The following EEFSEC variants were observed in gnomAD, a reference collection of about 807,000 sequenced individuals.
EEFSEC encodes the protein selenocysteine-specific elongation factor.
Under a neutral mutation model 42.1 loss-of-function variants are expected in EEFSEC, and 43 were observed. That is an observed-to-expected ratio of 1.02 (90% CI 0.80 to 1.32). The LOEUF is 1.32. Ranked by LOEUF, EEFSEC falls within the 40% of genes most tolerant of loss-of-function variation. The pLI, the probability that EEFSEC is intolerant of heterozygous loss-of-function variation, is 0.00. For synonymous variants in EEFSEC, 354 were observed against 339.1 expected, an observed-to-expected ratio of 1.04 and a Z score of -0.48; for missense variants, 745 against 803.6, an observed-to-expected ratio of 0.93 and a Z score of 0.88.
At chr3:128,333,580 T>C (rs2067157042) in intron 4 of EEFSEC, among the ~76,000 whole-genome samples, 1 of 152,220 alleles carries the variant, frequency 6.6e-6, no homozygotes, top group Admixed American at 6.5e-5. Context: ...TCATTAGAAG[T>C]GAATGGAATC....
At chr3:128,327,290 A>AC (rs2067074720) in intron 4 of EEFSEC, among the ~76,000 whole-genome samples, 15 of 74,372 alleles carry the variant, frequency 2.0e-4, no homozygotes, top group Admixed American at 4.2e-4. Flanking sequence ...CACTTTTCCC[A>AC]TCCCCCCCCC....
chr3:128,417,723 G>T, the EEFSEC span, among the ~76,000 whole-genome samples: 2 of 152,092 alleles, frequency 1.3e-5, no homozygotes, highest in Non-Finnish European at 2.9e-5. This position sits in a 1 kb window ranked among gnomAD's most constrained non-coding sequence, Gnocchi z 4.3. Flanking sequence ...TCCATGCAGG[G>T]TCCCCATAAA....
intron 4 of EEFSEC, among the ~76,000 whole-genome samples, chr3:128,321,376 A>C (rs1316012552): frequency 6.6e-6 from 1 of 152,168 alleles, no homozygotes; most frequent in Non-Finnish European, 1.5e-5. Flanking sequence ...TTCTGCCTCC[A>C]TGAGCTGGCC....
chr3:128,328,469 G>T (rs1325989890), intron 4 of EEFSEC, among the ~76,000 whole-genome samples: 1 of 152,200 alleles, frequency 6.6e-6, no homozygotes, highest in East Asian at 1.9e-4. Context: ...ACCAAGGAGT[G>T]GGCCGTAAGC....
chr3:128,205,132 G>A (rs1353589546), intron 1 of EEFSEC, among the ~76,000 whole-genome samples: 1 of 152,152 alleles, frequency 6.6e-6, no homozygotes, highest in Non-Finnish European at 1.5e-5. Flanking sequence ...ATTAAAGTGA[G>A]GATAGGCACC....
chr3:128,157,267 T>G (rs1944397427), intron 1 of EEFSEC, among the ~76,000 whole-genome samples: 1 of 152,156 alleles, frequency 6.6e-6, no homozygotes, highest in African/African-American at 2.4e-5. Context: ...AGTTGGTTCA[T>G]GAGGTTTGAG....
At chr3:128,351,865 C>T (rs778679257) in intron 5 of EEFSEC, among the ~76,000 whole-genome samples, 17 of 152,324 alleles carry the variant, frequency 1.1e-4, no homozygotes, top group Non-Finnish European at 1.6e-4. Context: ...CAGTGAGAAT[C>T]CCCACTTAGC....
intron 4 of EEFSEC, among the ~76,000 whole-genome samples, chr3:128,282,792 C>T (rs753426430): frequency 4.3e-4 from 66 of 152,174 alleles, no homozygotes; most frequent in Non-Finnish European, 7.6e-4. Context: ...CTGGCTCTGC[C>T]GCTGGTTGCC....
intron 6 of EEFSEC, among the ~76,000 whole-genome samples, chr3:128,366,322 G>A (rs887280956): frequency 2.6e-5 from 4 of 152,274 alleles, no homozygotes; most frequent in Admixed American, 1.3e-4. Context: ...ACAGCCATCC[G>A]GAGGGTAGCA....
intron 6 of EEFSEC, among the ~76,000 whole-genome samples, chr3:128,380,274 T>TC (rs2067759511): frequency 6.6e-6 from 1 of 152,218 alleles, no homozygotes; most frequent in Admixed American, 6.5e-5. Context: ...TCCCCTGTTA[T>TC]CCCATCCCCT....
intron 5 of EEFSEC, among the ~76,000 whole-genome samples, chr3:128,342,236 C>T (rs2067263729): frequency 6.6e-6 from 1 of 152,262 alleles, no homozygotes; most frequent in African/African-American, 2.4e-5. Flanking sequence ...CAGCGGTTAG[C>T]ACTGGCTTCC....
At chr3:128,264,230 T>C (rs957875920) in intron 3 of EEFSEC, among the ~76,000 whole-genome samples, 7 of 152,274 alleles carry the variant, frequency 4.6e-5, no homozygotes, top group African/African-American at 1.7e-4. Flanking sequence ...TTTTAAATTC[T>C]GAAGGCATCA....
chr3:128,203,285 A>C (rs1214643293), intron 1 of EEFSEC, among the ~76,000 whole-genome samples: 3 of 152,232 alleles, frequency 2.0e-5, no homozygotes, highest in African/African-American at 7.2e-5. Context: ...TGCTTATATC[A>C]TGGCAAAGTC....
intron 6 of EEFSEC, among the ~76,000 whole-genome samples, chr3:128,403,632 G>A (rs2068073546): frequency 6.6e-6 from 1 of 152,218 alleles, no homozygotes; most frequent in African/African-American, 2.4e-5. Context: ...TCACCCTGGA[G>A]CCAGGCCCTC....
chr3:128,180,100 GGT>G (rs1559856957), intron 1 of EEFSEC, among the ~76,000 whole-genome samples: 1 of 78,132 alleles, frequency 1.3e-5, no homozygotes, highest in African/African-American at 5.3e-5. Flanking sequence ...TCATGTTTTT[GGT>G]TTTTTTTTGC....
chr3:128,168,559 A>T (rs1319176245), intron 1 of EEFSEC, among the ~76,000 whole-genome samples: 2 of 152,146 alleles, frequency 1.3e-5, no homozygotes, highest in Admixed American at 1.3e-4. Context: ...CTGAGTGAGT[A>T]TCCCTCTGTA....
intron 4 of EEFSEC, among the ~76,000 whole-genome samples, chr3:128,265,272 G>T (rs549836857): frequency 6.6e-6 from 1 of 152,254 alleles, no homozygotes; most frequent in East Asian, 1.9e-4. Flanking sequence ...ACAGAATCTG[G>T]AAGAAATCCA....
At chr3:128,321,752 G>A (rs2067010336) in intron 4 of EEFSEC, among the ~76,000 whole-genome samples, 1 of 152,228 alleles carries the variant, frequency 6.6e-6, no homozygotes, top group Non-Finnish European at 1.5e-5. Context: ...TGCTGGGTCT[G>A]CACTGGTGGC....
chr3:128,417,813 G>C, the EEFSEC span, among the ~76,000 whole-genome samples: 1 of 152,096 alleles, frequency 6.6e-6, no homozygotes, highest in Admixed American at 6.5e-5. The surrounding 1 kb of genome is among the most constrained non-coding windows in gnomAD (Gnocchi z 4.3). Context: ...TTCATCAACA[G>C]TGACAGGGCA....
Sources: allele counts gnomAD v4.1 joint callset (sites outside exome capture counted in the v4.1 genomes callset), GRCh38; gene constraint gnomAD v4.1.1; non-coding constraint Gnocchi (gnomAD v3.1); transcripts MANE v1.5; gene names NCBI Gene and HGNC (gene_info 2026-07-23, HGNC 2026-07-21).